ABCA13: variants seen among roughly 807,000 people sequenced by gnomAD.
ABCA13 encodes the protein ATP binding cassette subfamily A member 13.
ABCA13 carries 476 observed loss-of-function variants against 478.7 expected under a neutral mutation model. The observed-to-expected ratio is 0.99, with a 90% CI of 0.92 to 1.07. ABCA13 has a LOEUF of 1.07. Among genes scored for constraint, ABCA13 ranks in the 50% least tolerant of loss-of-function variants. The pLI is 0.00. For missense variants in ABCA13, 6,060 were observed against 5,910.6 expected (o/e 1.03, Z -0.83); for synonymous variants, 2,252 against 2,158.9 (o/e 1.04, Z -1.20).
intron 27 of ABCA13, among the ~76,000 whole-genome samples, chr7:48,320,810 C>T (rs140494700): frequency 2.4e-4 from 36 of 152,218 alleles, no homozygotes; most frequent in Non-Finnish European, 2.5e-4. Context: ...GAAAACAGAC[C>T]GTCTTATTTT....
intron 1 of ABCA13, among the ~76,000 whole-genome samples, chr7:48,181,250 A>G (rs1795665528): frequency 6.6e-6 from 1 of 152,174 alleles, no homozygotes; most frequent in African/African-American, 2.4e-5. Flanking sequence ...TTTTCCTTAT[A>G]TAACTTGCCC....
chr7:48,473,256 C>T (rs193171088), intron 45 of ABCA13, among the ~76,000 whole-genome samples: 50 of 152,250 alleles, frequency 3.3e-4, no homozygotes, highest in Non-Finnish European at 6.2e-4. Context: ...ATGTGCCTGG[C>T]CCAGGCTAGC....
rs1020439718 is a variant in ABCA13 at position 48,373,787 on chromosome 7, G to A, written c.11134-560G>A. Among the ~76,000 whole-genome samples, 26 of 152,206 alleles carry A rather than the reference G, an allele frequency of 1.7e-4. 1 individual carries two copies. The South Asian group carries it at 3.9e-3, about 23-fold the overall frequency. On this transcript the variant is annotated intron_variant, in intron 33 of 61. Coordinates refer to ENST00000435803, the MANE Select transcript of ABCA13 (RefSeq NM_152701.5). ...CTGTGCACATAAAATTTGATTTTCT[G>A]TTTACATATTCAAATGCTTTCTAGC...
intron 42 of ABCA13, among the ~76,000 whole-genome samples, chr7:48,435,742 A>T (rs1026142648): frequency 4.6e-5 from 7 of 151,694 alleles, no homozygotes; most frequent in Non-Finnish European, 1.0e-4. Context: ...TGAATTTTGT[A>T]AAAGTTCTTT....
Position 48,456,815 on chromosome 7 carries a change from T to C in ABCA13, c.12815+1529T>C, listed in dbSNP as rs914123738. ...ATAAAGGTTTATTTATTTGTTTTTT[T>C]TTTCCTATTATAGGCAATGCTGTAT... On this transcript the variant is annotated intron_variant, in intron 43 of 61. Coordinates refer to ENST00000435803, the MANE Select transcript of ABCA13 (RefSeq NM_152701.5). Among the ~76,000 whole-genome samples, 626 of 152,238 alleles carry C rather than the reference T, an allele frequency of 4.1e-3. 3 individuals carry two copies. The highest frequency in any genetic ancestry group is 0.013 in the African/African-American group (543 of 41,556).
At chr7:48,398,974 G>T (rs998784566) in intron 38 of ABCA13, among the ~76,000 whole-genome samples, 1 of 152,142 alleles carries the variant, frequency 6.6e-6, no homozygotes, top group Non-Finnish European at 1.5e-5. Context: ...GCTGTTGAGG[G>T]TCAAGTAAAA....
chr7:48,306,231 A>G (rs1288270675), intron 23 of ABCA13, among the ~76,000 whole-genome samples: 2 of 152,226 alleles, frequency 1.3e-5, no homozygotes, highest in Non-Finnish European at 2.9e-5. Flanking sequence ...TCTATTTGGT[A>G]AAAAGAGATG....
intron 38 of ABCA13, among the ~76,000 whole-genome samples, chr7:48,401,137 G>T (rs567391521): frequency 6.6e-6 from 1 of 152,308 alleles, no homozygotes; most frequent in South Asian, 2.1e-4. Flanking sequence ...CAAATACAAT[G>T]TGGTTCTAAT....
At chr7:48,629,987 T>A (rs907869287) in intron 59 of ABCA13, among the ~76,000 whole-genome samples, 1 of 152,206 alleles carries the variant, frequency 6.6e-6, no homozygotes, top group African/African-American at 2.4e-5. Flanking sequence ...CACCAATTTT[T>A]AAAATTATTA....
intron 55 of ABCA13, among the ~76,000 whole-genome samples, chr7:48,556,863 G>A (rs1585797955): frequency 6.6e-6 from 1 of 151,510 alleles, no homozygotes; most frequent in Admixed American, 6.6e-5. Flanking sequence ...GTTTGTTTTG[G>A]CATCTTCTCA....
chr7:48,311,294 T>G (rs1419816243), intron 24 of ABCA13, among the ~76,000 whole-genome samples: 1 of 152,050 alleles, frequency 6.6e-6, no homozygotes, highest in African/African-American at 2.4e-5. Flanking sequence ...CAAGAACAAA[T>G]ATTTGTTTTC....
chr7:48,570,090 T>C (rs1322901414), intron 55 of ABCA13, among the ~76,000 whole-genome samples: 1 of 152,132 alleles, frequency 6.6e-6, no homozygotes, highest in East Asian at 1.9e-4. Flanking sequence ...TGTCTATTTC[T>C]CCCTTTAATG....
intron 36 of ABCA13, 55 bp from the exon 37 acceptor site, chr7:48,388,985 A>T: frequency 6.4e-7 from 1 of 1,555,854 alleles, no homozygotes; most frequent in East Asian, 2.2e-5. Flanking sequence ...AAATATGAGC[A>T]TTATTTTTAG....
intron 3 of ABCA13, among the ~76,000 whole-genome samples, chr7:48,215,454 A>G (rs1378246018): frequency 1.3e-5 from 2 of 152,210 alleles, no homozygotes; most frequent in African/African-American, 2.4e-5. Context: ...ATGAAGATTT[A>G]AAATATTTTG....
At chr7:48,176,689 C>T (rs909668634) in intron 1 of ABCA13, among the ~76,000 whole-genome samples, 5 of 152,142 alleles carry the variant, frequency 3.3e-5, no homozygotes, top group Admixed American at 3.3e-4. Flanking sequence ...AGTCAGCTCA[C>T]CCAAACCCAG....
rs763236494 is a variant in ABCA13 at position 48,273,032 on chromosome 7, T to C, written c.3366T>C (p.Phe1122=). ...YSTSEESSFV[F]PLAQIFSNLS... ...CAAGTGAGGAGTCTTCATTTGTTTT[T>C]CCATTGGCACAAATTTTTTCAAACC... The change falls in exon 17 of 62, where the codon TTT becomes TTC. Residue 1122 remains phenylalanine, a synonymous_variant. Coordinates refer to ENST00000435803, the MANE Select transcript of ABCA13 (RefSeq NM_152701.5). The C allele has an allele frequency of 4.3e-6, 7 of 1,613,560 alleles. No individual in the cohort carries two copies. In the African/African-American group the frequency reaches 8.0e-5, roughly 18 times the overall value.
At chr7:48,393,111 G>T (rs971494530) in intron 38 of ABCA13, among the ~76,000 whole-genome samples, 8 of 152,196 alleles carry the variant, frequency 5.3e-5, no homozygotes, top group African/African-American at 9.7e-5. Context: ...AAAAGGGAGA[G>T]ACAGTAGGTT....
Position 48,645,682 on chromosome 7 carries a change from C to G in ABCA13, c.*170C>G. On this transcript the variant is annotated 3_prime_UTR_variant, in exon 62 of 62. Coordinates refer to ENST00000435803, the MANE Select transcript of ABCA13 (RefSeq NM_152701.5). ...AATCTCCTTGTTAGTTAATAACCAC[C>G]AAATGGAAAGGTCATTCTTTCTGCA... 1 of 608,646 alleles carries G rather than the reference C, an allele frequency of 1.6e-6. No homozygotes were observed. The highest frequency in any genetic ancestry group is 2.8e-6 in the Non-Finnish European group (1 of 356,924). The allele number at this position is 608,646 out of a possible 1,614,324, so 37.7% of individuals were successfully genotyped here. A position where few individuals can be genotyped will look rare whatever the true frequency, so the allele number is the denominator to read the frequency against.
At position 48,358,508 on chromosome 7, in the gene ABCA13, C is replaced by T. The variant is rs941948897; in HGVS notation, c.10688+6021C>T. 3.3e-5 allele frequency among the ~76,000 whole-genome samples: 5 copies of T among 152,112 alleles called. 1 individual carries two copies. The highest frequency in any genetic ancestry group is 3.3e-4 in the Admixed American group (5 of 15,300). On this transcript the variant is annotated intron_variant, in intron 31 of 61. Coordinates refer to ENST00000435803, the MANE Select transcript of ABCA13 (RefSeq NM_152701.5). ...TCCAAAACACCCTCATTTAGATCCA[C>T]TGTTTGCTCTGCCTCTGGTAAATTA...
Sources: gnomAD v4.1 joint callset for allele counts (sites outside exome capture counted in the v4.1 genomes callset) on GRCh38, gnomAD v4.1.1 for gene constraint, MANE v1.5 for transcripts, NCBI Gene and HGNC (gene_info 2026-07-23, HGNC 2026-07-21) for gene names.